ULK1: variants seen among roughly 807,000 people sequenced by gnomAD.
ULK1 encodes the protein unc-51 like autophagy activating kinase 1.
A neutral mutation model predicts 117.5 loss-of-function variants in ULK1; 48 were observed. The observed-to-expected ratio is 0.41, with a 90% CI of 0.32 to 0.52. The LOEUF (loss-of-function observed/expected upper bound fraction) is 0.52, where lower values mean the gene tolerates loss of function less well. ULK1 is among the 20% of genes least tolerant of loss of function. The probability of loss-of-function intolerance (pLI) is 0.29; values close to 1 mark genes in which losing one functional copy is unlikely to be tolerated. For synonymous variants in ULK1, 790 were observed against 637.8 expected (o/e 1.24, Z -3.60); for missense variants, 1,387 against 1,473.4 (o/e 0.94, Z 0.96).
Position 131,917,537 on chromosome 12 carries a change from G to T in ULK1, c.2309G>T (p.Arg770Leu). The change falls in exon 22 of 28, where the codon CGC (arginine) becomes CTC (leucine). Residue 770 changes from arginine (R) to leucine (L), a missense_variant. Physicochemically the swap from Arg to Leu is moderately radical, Grantham distance 102. This residue lies in a region of ULK1 where 900 missense variants were observed against 858.9 expected (regional missense o/e 1.05). Coordinates refer to ENST00000321867, the MANE Select transcript of ULK1 (RefSeq NM_003565.4). The part of the protein sequence containing the change: ...PSGSTPPQGP[R>L]TRMFSAGPTG... ...GGGAGCACGCCCCCCCAGGGCCCCC[G>T]CACCAGGATGTTCTCAGGTGAGGGC... The T allele has an allele frequency of 6.9e-7, 1 of 1,439,290 alleles. No homozygotes were observed. The highest frequency in any genetic ancestry group is 9.2e-7 in the Non-Finnish European group (1 of 1,091,636). The allele number at this position is 1,439,290 out of a possible 1,614,324, so 89.2% of individuals were successfully genotyped here.
intron 8 of ULK1, among the ~76,000 whole-genome samples, chr12:131,909,499 C>T (rs758937006): frequency 1.3e-5 from 2 of 152,160 alleles, no homozygotes; most frequent in Non-Finnish European, 2.9e-5. Context: ...CCTGTCTGGT[C>T]GCCTGCCTGG....
chr12:131,910,901 CTGTG>C, intron 12 of ULK1, 101 bp downstream of exon 12: 1 of 1,532,228 alleles, frequency 6.5e-7, no homozygotes, highest in Non-Finnish European at 8.8e-7. Context: ...CTTCTGTTGT[CTGTG>C]TGAGTCACGA....
In ULK1 at chr12:131,909,121, C is replaced by T. The variant is rs1327981148; in HGVS notation, c.565-15C>T. ...GTGCGGGGGCCTCACACTGACCCGA[C>T]TTCTGGTCCCGCAGGCCCCCGAGGT... On this transcript the variant is annotated splice_polypyrimidine_tract_variant and intron_variant, in intron 7 of 27. Coordinates refer to ENST00000321867, the MANE Select transcript of ULK1 (RefSeq NM_003565.4). 6.2e-7 allele frequency: 1 copy of T among 1,603,000 alleles called. No homozygotes were observed. Among genetic ancestry groups the T allele is most frequent in the South Asian group, 1.1e-5 (1 of 89,922 alleles).
Position 131,916,012 on chromosome 12 carries a change from C to T in ULK1, c.1731C>T (p.Pro577=), listed in dbSNP as rs199549995. The change falls in exon 19 of 28, where the codon CCC becomes CCT. Residue 577 remains proline, a synonymous_variant. Transcript: ENST00000321867. Reference sequence around the variant, plus strand: ...AGCTGCCCAAACCCCCCACGGACCCCCTGGGAGCTGTGTTCAGCCCACCAC... The same window carrying T: ...AGCTGCCCAAACCCCCCACGGACCCTCTGGGAGCTGTGTTCAGCCCACCAC... ...RPKLPKPPTD[P]LGAVFSPPQA... is the part of the protein sequence containing the mutation. The T allele has an allele frequency of 4.3e-6, 7 of 1,612,386 alleles. No individual in the cohort carries two copies. Among genetic ancestry groups the T allele is most frequent in the East Asian group, 2.2e-5 (1 of 44,854 alleles).
chr12:131,900,860 G>A (rs973087771), intron 3 of ULK1, among the ~76,000 whole-genome samples: 2 of 152,126 alleles, frequency 1.3e-5, no homozygotes, highest in Non-Finnish European at 2.9e-5. Flanking sequence ...ATCCCAGAGT[G>A]AGGAGGGGGC....
Position 131,916,522 on chromosome 12 carries a change from G to C in ULK1, c.2003G>C (p.Gly668Ala), listed in dbSNP as rs1889793345. ...ACGCTGCCCGACCTCTCGGAGGTGG[G>C]ACCCTTCCATGGTCAGCCGTTGGGC... The part of the protein sequence containing the change: ...NRTLPDLSEV[G>A]PFHGQPLGPG... Residue 668 changes from glycine to alanine, a missense_variant, in exon 20 of 28, where the codon GGA becomes GCA. Gly to Ala is a moderately conservative substitution (Grantham distance 60). This residue lies in a region of ULK1 where 900 missense variants were observed against 858.9 expected (regional missense o/e 1.05). Coordinates refer to ENST00000321867, the MANE Select transcript of ULK1 (RefSeq NM_003565.4). The C allele has an allele frequency of 6.2e-7, 1 of 1,611,280 alleles. No homozygotes were observed.
chr12:131,906,093 TGGCGTCTTC>T (rs1889261509), intron 3 of ULK1, among the ~76,000 whole-genome samples: 2 of 151,002 alleles, frequency 1.3e-5, no homozygotes, highest in Non-Finnish European at 2.9e-5. Context: ...TGCAATCTGT[TGGCGTCTTC>T]TTTTTTTTTG....
chr12:131,919,138 C>A, intron 23 of ULK1, 74 bp from the exon 24 acceptor site: 2 of 1,482,386 alleles, frequency 1.3e-6, no homozygotes, highest in Non-Finnish European at 1.8e-6. Flanking sequence ...AAGGCGTCAT[C>A]GGTGAGTCTG....
rs753245967 is a variant in ULK1 at position 131,908,916 on chromosome 12, G to A, written c.509G>A (p.Arg170Gln). Reference protein sequence around the residue: ...RVKIADFGFARYLQSNMMAAT... With the variant: ...RVKIADFGFAQYLQSNMMAAT... ...CCCGCAGCTGACTTCGGCTTCGCGC[G>A]GTACCTCCAGAGCAACATGATGGCG... Residue 170 changes from arginine to glutamine, a missense_variant, in exon 7 of 28, where the codon CGG (arginine) becomes CAG (glutamine). Around this residue, in one of 4 missense-constraint regions of ULK1, gnomAD observed 224 missense variants for 325.2 expected, o/e 0.69. Transcript: ENST00000321867. The A allele has an allele frequency of 6.2e-7, 1 of 1,611,696 alleles. No homozygotes were observed. Among genetic ancestry groups the A allele is most frequent in the East Asian group, 2.2e-5 (1 of 44,868 alleles).
In ULK1 at chr12:131,921,302, A is replaced by G. The variant is rs772099994; in HGVS notation, c.3098-4A>G. On this transcript the variant is annotated splice_polypyrimidine_tract_variant and splice_region_variant and intron_variant, in intron 27 of 27. Transcript: ENST00000321867. ...CTCCCTCACACTCCCCTCTCCCTCC[A>G]CAGGCAAGCTGTGCATTGAGCGGAG... The G allele has an allele frequency of 1.2e-6, 2 of 1,607,964 alleles. No individual in the cohort carries two copies. Among genetic ancestry groups the G allele is most frequent in the South Asian group, 2.2e-5 (2 of 91,084 alleles).
intron 19 of ULK1, 107 bp from the exon 20 acceptor site, chr12:131,916,291 G>C: frequency 6.6e-7 from 1 of 1,508,382 alleles, no homozygotes; most frequent in Admixed American, 2.2e-5. Context: ...TGCTCAGGCT[G>C]CTCCCACATG....
intron 19 of ULK1, 32 bp downstream of exon 19, chr12:131,916,191 A>G (rs2136403303): frequency 6.3e-7 from 1 of 1,598,032 alleles, no homozygotes; most frequent in Non-Finnish European, 8.5e-7. Flanking sequence ...GCAGGGGCAC[A>G]GAGCCCTGGG....
rs1163461211 is a variant in ULK1 at position 131,917,391 on chromosome 12, G to A, written c.2183-20G>A. The A allele has an allele frequency of 3.1e-5, 46 of 1,474,040 alleles. No homozygotes were observed. The highest frequency in any genetic ancestry group is 3.9e-5 in the Non-Finnish European group (44 of 1,114,732). 91.3% of individuals were successfully genotyped at this position (1,474,040 alleles called of 1,614,324 possible). Reference sequence around the variant, plus strand: ...TCGGCGGGAGTCAGGATGCTCCTGAGCCCTTCCTTGCTCTCCCAGCACCCT... The same window carrying A: ...TCGGCGGGAGTCAGGATGCTCCTGAACCCTTCCTTGCTCTCCCAGCACCCT... On this transcript the variant is annotated intron_variant, in intron 21 of 27. Transcript: ENST00000321867.
intron 3 of ULK1, among the ~76,000 whole-genome samples, chr12:131,900,091 T>G (rs1406085960): frequency 8.2e-6 from 1 of 122,670 alleles, no homozygotes; most frequent in Non-Finnish European, 1.6e-5. Flanking sequence ...CACTCCAGCC[T>G]GGGCGACAGA....
At position 131,919,679 on chromosome 12, in the gene ULK1, G is replaced by A; in HGVS notation, c.2803+89G>A. ...TGGGTGACAGGGTAACAGGGAGGCT[G>A]CTTGAGTAGGCCCCTGTGCAGAGGT... On this transcript the variant is annotated intron_variant, in intron 25 of 27. Transcript: ENST00000321867. 3 of 1,419,552 alleles carry A rather than the reference G, an allele frequency of 2.1e-6. No individual in the cohort carries two copies. The South Asian group carries it at 3.6e-5, about 17-fold the overall frequency. The allele number at this position is 1,419,552 out of a possible 1,614,324, so 87.9% of individuals were successfully genotyped here.
chr12:131,905,489 C>T (rs969726407), intron 3 of ULK1, among the ~76,000 whole-genome samples: 4 of 152,174 alleles, frequency 2.6e-5, no homozygotes, highest in Non-Finnish European at 5.9e-5. Context: ...TGGGCTCGCT[C>T]AGGGGTAGAA....
At chr12:131,914,575 T>G (rs2136400519) in intron 16 of ULK1, 98 bp downstream of exon 16, 1 of 1,465,592 alleles carries the variant, frequency 6.8e-7, no homozygotes, top group East Asian at 2.5e-5. Flanking sequence ...GTCATCCATG[T>G]GCAGTTGTGC....
In ULK1 at chr12:131,902,822, C is replaced by T. The variant is rs1016716388; in HGVS notation, c.247-4070C>T. On this transcript the variant is annotated intron_variant, in intron 3 of 27. Transcript: ENST00000321867. This position sits in a 1 kb window ranked among gnomAD's most constrained non-coding sequence, Gnocchi z 6.3. ...AGGCGAGCTGCTCTGCCTGGGGTGG[C>T]CGGTTTCCTCCCCTGGAGCCCAGGG... is the stretch of plus-strand genomic sequence containing the variant. 1.3e-5 allele frequency among the ~76,000 whole-genome samples: 2 copies of T among 152,146 alleles called. No individual in the cohort carries two copies. The highest frequency in any genetic ancestry group is 4.8e-5 in the African/African-American group (2 of 41,420).
At chr12:131,917,126 G>GGAGGCTGTGGGATGGGGCTC in intron 21 of ULK1, 64 bp downstream of exon 21, 2 of 966,656 alleles carry the variant, frequency 2.1e-6, no homozygotes, top group Non-Finnish European at 2.6e-6. Flanking sequence ...GATGGGGGTC[G>GGAGGCTGTGGGATGGGGCTC]GAGGCTGTGG....
Sources: gnomAD v4.1 joint callset for allele counts (sites outside exome capture counted in the v4.1 genomes callset) on GRCh38, gnomAD v4.1.1 for gene constraint, gnomAD v4.1.1 regional missense constraint, Gnocchi (gnomAD v3.1) non-coding constraint, MANE v1.5 for transcripts, NCBI Gene and HGNC (gene_info 2026-07-23, HGNC 2026-07-21) for gene names.